The following SBF2 variants were observed in gnomAD, a reference collection of about 807,000 sequenced individuals.
The protein encoded by SBF2 is myotubularin-related protein 13.
Under a neutral mutation model 225.2 loss-of-function variants are expected in SBF2, and 112 were observed. The observed-to-expected ratio is 0.50, with a 90% CI of 0.43 to 0.58. The LOEUF (loss-of-function observed/expected upper bound fraction) is 0.58. Among genes scored for constraint, SBF2 ranks in the 20% least tolerant of loss-of-function variants. SBF2 has a pLI of 0.00. For synonymous variants in SBF2, 763 were observed against 773.3 expected (o/e 0.99, Z 0.22); for missense variants, 1,996 against 2,206.2 (o/e 0.90, Z 1.91).
chr11:10,293,877 G>A lies in SBF2; in HGVS notation c.55+138C>T, dbSNP rs570399998. ...CAGGCTCAGCCCAGCCGAGAAGGCC[G>A]GACGCCGACCGCCCGCTCCTCCGAG... On this transcript the variant is annotated intron_variant, in intron 1 of 39. Transcript: ENST00000256190. 4.5e-3 allele frequency: 2,488 copies of A among 556,142 alleles called. 15 individuals are homozygous for A. Among genetic ancestry groups the A allele is most frequent in the Middle Eastern group, 9.3e-3 (16 of 1,712 alleles). The allele number at this position is 556,142 out of a possible 1,614,324, so 34.5% of individuals were successfully genotyped here. A position where few individuals can be genotyped will look rare whatever the true frequency, so the allele number is the denominator to read the frequency against.
At chr11:10,109,940 G>GA (rs1776066618) in intron 2 of SBF2, among the ~76,000 whole-genome samples, 1 of 152,168 alleles carries the variant, frequency 6.6e-6, no homozygotes, top group Non-Finnish European at 1.5e-5. Flanking sequence ...ACAAACATGT[G>GA]AATCAATTGT....
intron 1 of SBF2, among the ~76,000 whole-genome samples, chr11:10,219,018 T>C (rs1958240406): frequency 6.6e-6 from 1 of 152,178 alleles, no homozygotes; most frequent in African/African-American, 2.4e-5. Context: ...TTCTGGGGTC[T>C]GGAGGATGGT....
At chr11:9,997,930 C>T (rs956873459) in intron 9 of SBF2, among the ~76,000 whole-genome samples, 1 of 152,172 alleles carries the variant, frequency 6.6e-6, no homozygotes, top group Non-Finnish European at 1.5e-5. Flanking sequence ...GAGAAGCCAA[C>T]ATCTAATGGG....
intron 14 of SBF2, among the ~76,000 whole-genome samples, chr11:9,965,450 G>A (rs910011649): frequency 1.3e-5 from 2 of 151,690 alleles, no homozygotes; most frequent in African/African-American, 2.4e-5. Context: ...CACCACACCC[G>A]GCTAATTTCG....
chr11:10,252,606 C>T lies in SBF2; in HGVS notation c.55+41409G>A, dbSNP rs555840166. Among the ~76,000 whole-genome samples the T allele has an allele frequency of 4.6e-5, 7 of 152,256 alleles. No individual in the cohort carries two copies. The East Asian group carries it at 7.7e-4, about 17-fold the overall frequency. On this transcript the variant is annotated intron_variant, in intron 1 of 39. Transcript: ENST00000256190. The stretch of plus-strand genomic sequence containing the variant: ...ATCACGGATCACGAGGTCAAGAGAT[C>T]GAGACCATCCTGACTAACACGGTGA...
chr11:10,017,061 T>C (rs1346035087), intron 6 of SBF2: 1 of 152,222 alleles, frequency 6.6e-6, no homozygotes, highest in Non-Finnish European at 1.5e-5. Context: ...CAATGATACA[T>C]ATACATCCTG....
At chr11:10,124,535 C>T (rs1953646767) in intron 2 of SBF2, among the ~76,000 whole-genome samples, 2 of 152,090 alleles carry the variant, frequency 1.3e-5, no homozygotes, top group Non-Finnish European at 2.9e-5. Flanking sequence ...TATTCAAATG[C>T]TCTAATATCA....
chr11:9,924,310 C>T (rs1265219688), intron 16 of SBF2, among the ~76,000 whole-genome samples: 1 of 152,058 alleles, frequency 6.6e-6, no homozygotes, highest in East Asian at 1.9e-4. Flanking sequence ...ATAAAATAGG[C>T]TTTGTATTAG....
chr11:10,260,960 G>A (rs1048443193), intron 1 of SBF2, among the ~76,000 whole-genome samples: 6 of 151,990 alleles, frequency 3.9e-5, no homozygotes, highest in South Asian at 2.1e-4. Flanking sequence ...GCACCACTAC[G>A]TAAGTAGTAA....
chr11:10,154,227 T>C (rs1040594672), intron 2 of SBF2, among the ~76,000 whole-genome samples: 3 of 152,138 alleles, frequency 2.0e-5, no homozygotes, highest in Non-Finnish European at 2.9e-5. Context: ...TTTTTGTAAA[T>C]TGATCTTTTA....
chr11:9,793,274 A>C (rs1852875705), intron 33 of SBF2, among the ~76,000 whole-genome samples: 1 of 152,184 alleles, frequency 6.6e-6, no homozygotes, highest in African/African-American at 2.4e-5. Context: ...TCAGAGATGA[A>C]GTAATTTACC....
intron 16 of SBF2, among the ~76,000 whole-genome samples, chr11:9,919,036 C>T (rs1406246054): frequency 6.6e-6 from 1 of 152,110 alleles, no homozygotes; most frequent in South Asian, 2.1e-4. Flanking sequence ...GCCACTGCAT[C>T]TGGCTTTTTT....
chr11:10,061,037 T>A lies in SBF2; in HGVS notation c.142-18056A>T, dbSNP rs557240327. 3.5e-3 allele frequency among the ~76,000 whole-genome samples: 526 copies of A among 151,414 alleles called. 3 individuals carry two copies. Among genetic ancestry groups the A allele is most frequent in the African/African-American group, 0.012 (484 of 41,290 alleles). On this transcript the variant is annotated intron_variant, in intron 2 of 39. Coordinates refer to ENST00000256190, the MANE Select transcript of SBF2 (RefSeq NM_030962.4). ...AGCGAGACTCCATCTCAAAAAAAAA[T>A]AAATAAATAAACAAATAAATCTGTA...
chr11:9,975,401 A>C (rs1946636788), intron 13 of SBF2, among the ~76,000 whole-genome samples: 1 of 152,242 alleles, frequency 6.6e-6, no homozygotes, highest in South Asian at 2.1e-4. Context: ...AAAAAACTAC[A>C]TAATGCCATT....
Position 9,890,292 on chromosome 11 carries a change from T to A in SBF2, c.1929+5651A>T, listed in dbSNP as rs188601768. Among the ~76,000 whole-genome samples, 3 of 152,318 alleles carry A rather than the reference T, an allele frequency of 2.0e-5. No individual in the cohort carries two copies. The East Asian group carries it at 5.8e-4, about 29-fold the overall frequency. On this transcript the variant is annotated intron_variant, in intron 17 of 39. Transcript: ENST00000256190. Reference sequence around the variant, plus strand: ...CTGTGGTGATGGTTTTACCACTCTGTAAAACACTAAAATTACTAATACACA... The same window carrying A: ...CTGTGGTGATGGTTTTACCACTCTGAAAAACACTAAAATTACTAATACACA...
chr11:10,179,562 G>T (rs1162052813), intron 2 of SBF2, among the ~76,000 whole-genome samples: 1 of 152,112 alleles, frequency 6.6e-6, no homozygotes, highest in Non-Finnish European at 1.5e-5. Flanking sequence ...CAGATTAAGT[G>T]TGATGTTTCT....
chr11:10,014,867 T>G (rs987566129), intron 6 of SBF2, among the ~76,000 whole-genome samples: 1 of 152,108 alleles, frequency 6.6e-6, no homozygotes, highest in Admixed American at 6.6e-5. Context: ...CAGTGGCTCA[T>G]GCCTGTAATC....
At position 10,095,002 on chromosome 11, in the gene SBF2, C is replaced by CATAAAATAT. The variant is rs1300798176; in HGVS notation, c.142-52030_142-52022dup. Among the ~76,000 whole-genome samples, 57 of 151,890 alleles carry CATAAAATAT rather than the reference C, an allele frequency of 3.8e-4. 1 individual carries two copies. The East Asian group carries it at 9.7e-3, about 26-fold the overall frequency. On this transcript the variant is annotated intron_variant, in intron 2 of 39. Transcript: ENST00000256190. ...AAAAGAAAAAAGGAACCATCGAAGC[C>CATAAAATAT]ATAAAATATATAAAATATATAAAAT...
chr11:9,988,673 C>T (rs188697794), intron 13 of SBF2, among the ~76,000 whole-genome samples: 2 of 152,198 alleles, frequency 1.3e-5, no homozygotes. Context: ...CACTAATGAT[C>T]AGGGAAATGC....
Sources: gnomAD v4.1 joint callset for allele counts (sites outside exome capture counted in the v4.1 genomes callset) on GRCh38, gnomAD v4.1.1 for gene constraint, MANE v1.5 for transcripts, NCBI Gene and HGNC (gene_info 2026-07-23, HGNC 2026-07-21) for gene names.